The following PLS1 variants were observed in gnomAD, a reference collection of about 807,000 sequenced individuals.
PLS1 encodes the protein plastin-1.
In PLS1, 32 loss-of-function variants were observed where a neutral mutation model predicts 73.7. The observed-to-expected ratio is 0.43, with a 90% CI of 0.33 to 0.58. The LOEUF (loss-of-function observed/expected upper bound fraction) is 0.58, where lower values mean the gene tolerates loss of function less well. PLS1 is among the 20% of genes least tolerant of loss of function. The pLI, the probability that PLS1 is intolerant of heterozygous loss-of-function variation, is 0.04. For missense variants in PLS1, 633 were observed against 740.5 expected, an observed-to-expected ratio of 0.85 and a Z score of 1.68; for synonymous variants, 217 against 261.3, an observed-to-expected ratio of 0.83 and a Z score of 1.63.
intron 1 of PLS1, among the ~76,000 whole-genome samples, chr3:142,634,346 T>C (rs573236570): frequency 2.0e-5 from 3 of 152,206 alleles, no homozygotes; most frequent in East Asian, 3.9e-4. Context: ...ACAAAAGCTA[T>C]ATGAGGAAAA....
intron 1 of PLS1, among the ~76,000 whole-genome samples, chr3:142,636,919 TTGG>T: frequency 6.6e-6 from 1 of 152,264 alleles, no homozygotes; most frequent in Admixed American, 6.5e-5. Context: ...ATACCACGTG[TTGG>T]TGAATATGTG....
intron 1 of PLS1, among the ~76,000 whole-genome samples, chr3:142,659,687 T>G (rs2037323813): frequency 6.6e-6 from 1 of 150,610 alleles, no homozygotes; most frequent in Admixed American, 6.6e-5. Context: ...TTTTTTTTTG[T>G]TGTTGTTTTG....
intron 1 of PLS1, among the ~76,000 whole-genome samples, chr3:142,611,467 T>TA (rs1428548385): frequency 2.6e-5 from 4 of 152,096 alleles, no homozygotes; most frequent in African/African-American, 7.2e-5. Context: ...ACAAAAAATT[T>TA]AAAAATTAGC....
intron 3 of PLS1, among the ~76,000 whole-genome samples, chr3:142,670,652 AGGAAAATATCT>A (rs1456257228): frequency 6.6e-6 from 1 of 152,242 alleles, no homozygotes; most frequent in Non-Finnish European, 1.5e-5. Context: ...ATGTTCAGGC[AGGAAAATATCT>A]TCATTAAGGC....
At chr3:142,618,505 G>T (rs368395417) in intron 1 of PLS1, among the ~76,000 whole-genome samples, 1 of 152,216 alleles carries the variant, frequency 6.6e-6, no homozygotes, top group East Asian at 1.9e-4. Flanking sequence ...GCAGGACTGC[G>T]TTCCTTTCTG....
chr3:142,651,547 G>A (rs1216952514), intron 1 of PLS1, among the ~76,000 whole-genome samples: 6 of 150,364 alleles, frequency 4.0e-5, no homozygotes, highest in African/African-American at 9.8e-5. Flanking sequence ...GGCTGGATTC[G>A]AACTCCTAGC....
At chr3:142,681,166 T>C (rs1158954944) in intron 6 of PLS1, among the ~76,000 whole-genome samples, 1 of 152,180 alleles carries the variant, frequency 6.6e-6, no homozygotes, top group Non-Finnish European at 1.5e-5. Context: ...AAAATACTTA[T>C]AGAATATTTT....
chr3:142,646,949 G>T (rs2036964426), intron 1 of PLS1, among the ~76,000 whole-genome samples: 1 of 152,216 alleles, frequency 6.6e-6, no homozygotes, highest in Non-Finnish European at 1.5e-5. Context: ...TTCTTAGAAA[G>T]CATGGCTTGG....
chr3:142,661,525 CCAT>C (rs1256093227), intron 1 of PLS1, among the ~76,000 whole-genome samples: 1 of 152,026 alleles, frequency 6.6e-6, no homozygotes, highest in African/African-American at 2.4e-5. Flanking sequence ...CACAAATGAG[CCAT>C]ACTCTTAGAG....
At chr3:142,656,666 G>A (rs1382144960) in intron 1 of PLS1, 2 of 152,190 alleles carry the variant, frequency 1.3e-5, no homozygotes, top group Non-Finnish European at 2.9e-5. Context: ...AAACTAGAAG[G>A]AAAATTCTTC....
chr3:142,665,171 G>A (rs1210718740), intron 2 of PLS1, among the ~76,000 whole-genome samples: 1 of 151,498 alleles, frequency 6.6e-6, no homozygotes, highest in South Asian at 2.1e-4. Context: ...GATCACCGCT[G>A]GTCTTGTGCT....
chr3:142,671,058 A>C lies in PLS1; in HGVS notation c.300A>C (p.Glu100Asp). 6.2e-7 allele frequency: 1 copy of C among 1,604,730 alleles called. No individual in the cohort carries two copies. The highest frequency in any genetic ancestry group is 1.1e-5 in the South Asian group (1 of 90,690). The stretch of plus-strand genomic sequence containing the variant: ...TCCGAAAAATAATTAACAAGAGGGA[A>C]GGGATTACTGCTATTGGAGGAACTT... ...KTFRKIINKR[E>D]GITAIGGTST... is the part of the protein sequence containing the mutation. The change falls in exon 4 of 16, where the codon GAA (glutamate) becomes GAC (aspartate). Residue 100 changes from glutamate (E) to aspartate (D), a missense_variant. Glu to Asp is a conservative substitution (Grantham distance 45). Transcript: ENST00000457734.
At chr3:142,604,761 C>T (rs536925220) in intron 1 of PLS1, among the ~76,000 whole-genome samples, 53 of 152,088 alleles carry the variant, frequency 3.5e-4, no homozygotes, top group South Asian at 3.1e-3. Flanking sequence ...GGTGAAACCC[C>T]GTCTCTACTA....
intron 12 of PLS1, among the ~76,000 whole-genome samples, chr3:142,699,550 T>G (rs1423795886): frequency 2.0e-5 from 3 of 152,194 alleles, no homozygotes; most frequent in Admixed American, 2.0e-4. Flanking sequence ...TTAACTATCC[T>G]GCATGTTCTG....
chr3:142,703,231 C>T (rs1410711976), intron 12 of PLS1, among the ~76,000 whole-genome samples: 2 of 151,604 alleles, frequency 1.3e-5, no homozygotes, highest in East Asian at 3.9e-4. Flanking sequence ...AGCAGGACAC[C>T]TAGGTTTTTA....
intron 14 of PLS1, among the ~76,000 whole-genome samples, chr3:142,709,857 T>G (rs1037669412): frequency 1.3e-5 from 2 of 151,742 alleles, no homozygotes; most frequent in Non-Finnish European, 2.9e-5. Flanking sequence ...GGCTCATAGA[T>G]TGTGGCTCAA....
intron 1 of PLS1, among the ~76,000 whole-genome samples, chr3:142,652,762 G>T (rs984430626): frequency 3.9e-5 from 6 of 152,210 alleles, no homozygotes; most frequent in African/African-American, 1.4e-4. Context: ...GTGAGAAGAG[G>T]CTACGTTGTT....
rs1186656535 is a variant in PLS1 at position 142,712,900 on chromosome 3, A to G, written c.*893A>G. 6.6e-6 allele frequency: 1 copy of G among 152,572 alleles called. No individual in the cohort carries two copies. The allele number at this position is 152,572 out of a possible 1,614,324, so 9.5% of individuals were successfully genotyped here. A position where few individuals can be genotyped will look rare whatever the true frequency, so the allele number is the denominator to read the frequency against. On this transcript the variant is annotated 3_prime_UTR_variant, in exon 16 of 16. Coordinates refer to ENST00000457734, the MANE Select transcript of PLS1 (RefSeq NM_001145319.2). ...ATAAGTATTCATTTTGAATGTGCATATAGTTATTTGACCCCTTCCAAATAC... is the reference window on the plus strand; with the variant it reads ...ATAAGTATTCATTTTGAATGTGCATGTAGTTATTTGACCCCTTCCAAATAC...
chr3:142,632,476 G>T (rs2108589709), intron 1 of PLS1, among the ~76,000 whole-genome samples: 1 of 152,230 alleles, frequency 6.6e-6, no homozygotes, highest in South Asian at 2.1e-4. Flanking sequence ...TTTTGAGAAT[G>T]TAAAATAGTG....
Sources: allele counts gnomAD v4.1 joint callset (sites outside exome capture counted in the v4.1 genomes callset), GRCh38; gene constraint gnomAD v4.1.1; transcripts MANE v1.5; gene names NCBI Gene and HGNC (gene_info 2026-07-23, HGNC 2026-07-21).